Variants in NR1H4 observed in about 807,000 individuals in gnomAD.
NR1H4 encodes bile acid receptor.
NR1H4 carries 23 observed loss-of-function variants against 58.5 expected under a neutral mutation model. The ratio of observed to expected loss-of-function variants is 0.39; its 90% CI spans 0.28 to 0.56. NR1H4 has a LOEUF of 0.56. NR1H4 is among the 20% of genes least tolerant of loss of function. The pLI is 0.58. For synonymous variants in NR1H4, 214 were observed against 198.0 expected (o/e 1.08, Z -0.68); for missense variants, 487 against 576.9 (o/e 0.84, Z 1.60).
At chr12:100,483,404 T>TA (rs1156839496) in intron 1 of NR1H4, among the ~76,000 whole-genome samples, 1 of 152,208 alleles carries the variant, frequency 6.6e-6, no homozygotes, top group Non-Finnish European at 1.5e-5. Context: ...AATCTATCAC[T>TA]AAAAATCTAT....
intron 4 of NR1H4, among the ~76,000 whole-genome samples, chr12:100,515,673 G>T (rs919864037): frequency 6.6e-6 from 1 of 152,098 alleles, no homozygotes; most frequent in African/African-American, 2.4e-5. Flanking sequence ...AAAAAGTGTG[G>T]CACATAGTCA....
rs553030503 is a variant in NR1H4, at chr12:100,536,802, T to C, written c.832-146T>C. The C allele has an allele frequency of 6.1e-6, 4 of 660,186 alleles. No homozygotes were observed. The East Asian group carries it at 1.1e-4, about 18-fold the overall frequency. The allele number at this position is 660,186 out of a possible 1,614,324, so 40.9% of individuals were successfully genotyped here. On this transcript the variant is annotated intron_variant, in intron 7 of 10. Transcript: ENST00000392986. ...TGAAGTCTCCCACCTATCTTGATAA[T>C]GGTAATTGCCCTCCAAAGATCTGAG...
chr12:100,486,008 A>C (rs901923957), intron 1 of NR1H4, among the ~76,000 whole-genome samples: 1 of 152,088 alleles, frequency 6.6e-6, no homozygotes, highest in Non-Finnish European at 1.5e-5. Context: ...TTTTTTGTAC[A>C]TGTCACTGTA....
chr12:100,511,728 C>T (rs1954121871), intron 4 of NR1H4, among the ~76,000 whole-genome samples: 1 of 150,234 alleles, frequency 6.7e-6, no homozygotes, highest in South Asian at 2.1e-4. Context: ...TCAAGACCAG[C>T]CTGGCCAACA....
Position 100,511,148 on chromosome 12 carries a change from G to C in NR1H4, c.445+5G>C. ...TGACCTGTGAGGGGTGTAAAGGTAA[G>C]CATCTTTGATTGGCAGTTTTCTCCT... On this transcript the variant is annotated splice_donor_5th_base_variant and intron_variant, in intron 4 of 10. Transcript: ENST00000392986. 6.2e-7 allele frequency: 1 copy of C among 1,614,230 alleles called. No individual in the cohort carries two copies. Among genetic ancestry groups the C allele is most frequent in the South Asian group, 1.1e-5 (1 of 91,082 alleles).
At chr12:100,558,943 C>G (rs541351723) in intron 9 of NR1H4, among the ~76,000 whole-genome samples, 1 of 152,240 alleles carries the variant, frequency 6.6e-6, no homozygotes, top group African/African-American at 2.4e-5. Flanking sequence ...ATCTACCTCA[C>G]GGGGTTTAGA....
At chr12:100,523,928 A>G (rs997726389) in intron 4 of NR1H4, among the ~76,000 whole-genome samples, 1 of 152,234 alleles carries the variant, frequency 6.6e-6, no homozygotes, top group Non-Finnish European at 1.5e-5. Flanking sequence ...CAGCTAAAAT[A>G]GACAAAAAGA....
At chr12:100,525,901 A>G (rs1954543507) in intron 4 of NR1H4, among the ~76,000 whole-genome samples, 1 of 152,196 alleles carries the variant, frequency 6.6e-6, no homozygotes, top group South Asian at 2.1e-4. Context: ...TTAGCAAATT[A>G]GCAGGCTTGG....
chr12:100,534,923 G>T lies in NR1H4; in HGVS notation c.632G>T (p.Arg211Leu), dbSNP rs1383173333. 3 of 1,614,146 alleles carry T rather than the reference G, an allele frequency of 1.9e-6. No individual in the cohort carries two copies. The South Asian group carries it at 3.3e-5, about 18-fold the overall frequency. ...ACTGAAATTCAGTGTAAATCTAAGC[G>T]ACTGAGAAAAAATGTGAAGCAGCAT... is the stretch of plus-strand genomic sequence containing the variant. ...LLTEIQCKSKRLRKNVKQHAD... is the reference protein window; with the variant it reads ...LLTEIQCKSKLLRKNVKQHAD... Residue 211 changes from arginine (R) to leucine (L), a missense_variant, in exon 6 of 11, where the codon CGA becomes CTA. Arg to Leu is a moderately radical substitution (Grantham distance 102, BLOSUM62 -2). Transcript: ENST00000392986.
intron 9 of NR1H4, among the ~76,000 whole-genome samples, chr12:100,546,038 T>G (rs537755796): frequency 6.6e-6 from 1 of 152,170 alleles, no homozygotes; most frequent in East Asian, 1.9e-4. Flanking sequence ...GCCCACTGAA[T>G]GGACAAGCAC....
intron 1 of NR1H4, among the ~76,000 whole-genome samples, chr12:100,491,527 A>G (rs920484324): frequency 3.3e-5 from 5 of 150,106 alleles, no homozygotes; most frequent in Non-Finnish European, 5.9e-5. Flanking sequence ...GGGTTGGTCA[A>G]ACACAGCTAC....
intron 1 of NR1H4, among the ~76,000 whole-genome samples, chr12:100,480,385 A>C (rs1253367553): frequency 6.6e-6 from 1 of 152,224 alleles, no homozygotes; most frequent in Non-Finnish European, 1.5e-5. Flanking sequence ...ACCTTATCAC[A>C]CATAGCTAAA....
intron 4 of NR1H4, among the ~76,000 whole-genome samples, chr12:100,513,995 A>C (rs112826420): frequency 6.6e-6 from 1 of 152,236 alleles, no homozygotes; most frequent in Non-Finnish European, 1.5e-5. Flanking sequence ...AACAAACTTT[A>C]TAGTAGCTCT....
At chr12:100,532,753 T>A in intron 5 of NR1H4, 143 bp downstream of exon 5, 1 of 723,946 alleles carries the variant, frequency 1.4e-6, no homozygotes, top group Non-Finnish European at 2.3e-6. Flanking sequence ...AATGAACCAC[T>A]GAAATTGTCC....
chr12:100,530,920 G>A (rs774055877), intron 4 of NR1H4, among the ~76,000 whole-genome samples: 2 of 152,124 alleles, frequency 1.3e-5, no homozygotes, highest in African/African-American at 4.8e-5. Flanking sequence ...ACTTTCACCC[G>A]AGAAGTTGAA....
At chr12:100,514,879 C>G (rs961104333) in intron 4 of NR1H4, among the ~76,000 whole-genome samples, 1 of 152,004 alleles carries the variant, frequency 6.6e-6, no homozygotes, top group Admixed American at 6.5e-5. Flanking sequence ...CACAAAGGAA[C>G]AAACACAAAT....
chr12:100,532,720 C>A, intron 5 of NR1H4, 110 bp downstream of exon 5: 1 of 971,402 alleles, frequency 1.0e-6, no homozygotes, highest in Non-Finnish European at 1.6e-6. Flanking sequence ...ACCTACTAAG[C>A]CATCTAAGTT....
intron 4 of NR1H4, among the ~76,000 whole-genome samples, chr12:100,517,802 G>C (rs1433266859): frequency 1.3e-5 from 2 of 152,126 alleles, no homozygotes; most frequent in African/African-American, 2.4e-5. Flanking sequence ...CCATTTTATG[G>C]AAGTGGAAGC....
At chr12:100,529,829 C>T (rs757096920) in intron 4 of NR1H4, among the ~76,000 whole-genome samples, 1 of 152,180 alleles carries the variant, frequency 6.6e-6, no homozygotes, top group Non-Finnish European at 1.5e-5. Flanking sequence ...GGGAAATCCT[C>T]ATATTATACT....
Sources: gnomAD v4.1 joint callset for allele counts (sites outside exome capture counted in the v4.1 genomes callset) on GRCh38, gnomAD v4.1.1 for gene constraint, MANE v1.5 for transcripts, NCBI Gene and HGNC (gene_info 2026-07-23, HGNC 2026-07-21) for gene names.